Variants in DICER1 observed in about 807,000 individuals in gnomAD.
DICER1 encodes the protein dicer 1, ribonuclease III.
A neutral mutation model predicts 194.1 loss-of-function variants in DICER1; 43 were observed. The observed-to-expected ratio is 0.22, with a 90% CI of 0.17 to 0.29. The LOEUF (loss-of-function observed/expected upper bound fraction) is 0.29. Among genes scored for constraint, DICER1 ranks in the 10% least tolerant of loss-of-function variants. The pLI, the probability that DICER1 is intolerant of heterozygous loss-of-function variation, is 1.00. For missense variants in DICER1, 1,608 were observed against 2,317.0 expected (o/e 0.69, Z 6.28); for synonymous variants, 832 against 820.5 (o/e 1.01, Z -0.24).
chr14:95,132,828 T>C (rs1894072915), intron 2 of DICER1, 151 bp from the exon 3 acceptor site: 1 of 742,946 alleles, frequency 1.3e-6, no homozygotes, highest in Admixed American at 2.4e-5. Context: ...TACGTCTTTA[T>C]ACGAGAATAA....
intron 24 of DICER1, 25 bp downstream of exon 24, chr14:95,093,863 C>T: frequency 6.2e-7 from 1 of 1,613,818 alleles, no homozygotes; most frequent in South Asian, 1.1e-5. Context: ...CCACTTTTTT[C>T]AACATCGTTT....
rs767112987 is a variant in DICER1 at position 95,099,883 on chromosome 14, C to A, written c.4103G>T (p.Arg1368Leu). 6 of 1,614,012 alleles carry A rather than the reference C, an allele frequency of 3.7e-6. No individual in the cohort carries two copies. The highest frequency in any genetic ancestry group is 1.1e-5 in the South Asian group (1 of 91,084). The change falls in exon 22 of 27, where the codon CGC becomes CTC. Residue 1368 changes from arginine to leucine, a missense_variant. Physicochemically the swap from Arg to Leu is moderately radical, Grantham distance 102 (BLOSUM62 -2). Around this residue, in one of 10 missense-constraint regions of DICER1, gnomAD observed 58 missense variants for 125.7 expected, o/e 0.46. Transcript: ENST00000343455. ...RLGKKKGLPS[R>L]MVVSIFDPPV... is the part of the protein sequence containing the mutation. ...GGGATCAAATATTGACACCACCATG[C>A]GGCTGGGTAGTCCCTTCTTTTTTCC...
At position 95,090,278 on chromosome 14, in the gene DICER1, A is replaced by C. The variant is rs1455417366; in HGVS notation, c.*220T>G. Reference sequence around the variant, plus strand: ...AGCAGAAGTGAGGAAAGAAGATAAGATTGTGTTTGCGCAAAAAACTAAAAC... The same window carrying C: ...AGCAGAAGTGAGGAAAGAAGATAAGCTTGTGTTTGCGCAAAAAACTAAAAC... On this transcript the variant is annotated 3_prime_UTR_variant, in exon 27 of 27. Transcript: ENST00000343455. The C allele has an allele frequency of 1.7e-6, 1 of 585,378 alleles. No homozygotes were observed. The highest frequency in any genetic ancestry group is 3.0e-6 in the Non-Finnish European group (1 of 331,756). 36.3% of individuals were successfully genotyped at this position (585,378 alleles called of 1,614,324 possible).
In DICER1 at chr14:95,111,448, C is replaced by T. The variant is rs1891952341; in HGVS notation, c.2125G>A (p.Asp709Asn). 6.2e-7 allele frequency: 1 copy of T among 1,613,962 alleles called. No homozygotes were observed. Among genetic ancestry groups the T allele is most frequent in the Non-Finnish European group, 8.5e-7 (1 of 1,179,978 alleles). ...TTCCCAACTGGCATCAAATGGTCATCCAGTTCGCCTAACAAATTTAAAGAG... is the reference window on the plus strand; with the variant it reads ...TTCCCAACTGGCATCAAATGGTCATTCAGTTCGCCTAACAAATTTAAAGAG... ...CEKLHKIGEL[D>N]DHLMPVGKET... Residue 709 changes from aspartate (D) to asparagine (N), a missense_variant, in exon 14 of 27, where the codon GAT becomes AAT. Physicochemically the swap from Asp to Asn is conservative, Grantham distance 23. Transcript: ENST00000343455.
At chr14:95,131,167 C>G (rs997736779) in intron 4 of DICER1, among the ~76,000 whole-genome samples, 5 of 151,988 alleles carry the variant, frequency 3.3e-5, no homozygotes, top group Admixed American at 2.6e-4. Context: ...GTACCTAGGA[C>G]TACTACGCCA....
At chr14:95,110,758 T>C (rs1891884755) in intron 14 of DICER1, among the ~76,000 whole-genome samples, 1 of 152,192 alleles carries the variant, frequency 6.6e-6, no homozygotes, top group Admixed American at 6.5e-5. Context: ...GATTTAGAGA[T>C]GCTTTCATGT....
rs753746305 is a variant in DICER1 at position 95,115,703 on chromosome 14, C to T, written c.1871G>A (p.Arg624Gln). The change falls in exon 11 of 27, where the codon CGA becomes CAA. Residue 624 changes from arginine to glutamine, a missense_variant. Physicochemically the swap from Arg to Gln is conservative, Grantham distance 43. This residue lies in a region of DICER1 where 657 missense variants were observed against 910.1 expected (regional missense o/e 0.72). Coordinates refer to ENST00000343455, the MANE Select transcript of DICER1 (RefSeq NM_177438.3). ...YVLRPDDGGP[R>Q]VTINTAIGHI... The stretch of plus-strand genomic sequence containing the variant: ...TCCAATGGCCGTGTTGATTGTGACT[C>T]GTGGACCACCATCGTCAGGCCTCAA... 4 of 1,614,090 alleles carry T rather than the reference C, an allele frequency of 2.5e-6. No individual in the cohort carries two copies. The highest frequency in any genetic ancestry group is 1.1e-5 in the South Asian group (1 of 91,084).
intron 1 of DICER1, among the ~76,000 whole-genome samples, chr14:95,144,066 A>G (rs997324074): frequency 1.5e-4 from 23 of 152,212 alleles, no homozygotes; most frequent in Non-Finnish European, 2.6e-4. Context: ...TGTAGAGCAG[A>G]AAAAGTCTCA....
chr14:95,144,829 T>G (rs1385685498), intron 1 of DICER1, among the ~76,000 whole-genome samples: 1 of 152,176 alleles, frequency 6.6e-6, no homozygotes, highest in African/African-American at 2.4e-5. Context: ...GTTCTATGCC[T>G]TCCCTTTTTC....
At chr14:95,112,571 A>T (rs548344664) in intron 12 of DICER1, among the ~76,000 whole-genome samples, 13 of 152,342 alleles carry the variant, frequency 8.5e-5, no homozygotes, top group Admixed American at 7.8e-4. Flanking sequence ...TTATCAAAAC[A>T]TAGCTATAAC....
At position 95,096,079 on chromosome 14, in the gene DICER1, T is replaced by A. The variant is rs769225805; in HGVS notation, c.4841A>T (p.Gln1614Leu). The change falls in exon 23 of 27, where the codon CAA becomes CTA. Residue 1614 changes from glutamine (Q) to leucine (L), a missense_variant. Physicochemically the swap from Gln to Leu is moderately radical, Grantham distance 113. This residue lies in a region of DICER1 where 125 missense variants were observed against 134.9 expected (regional missense o/e 0.93). Coordinates refer to ENST00000343455, the MANE Select transcript of DICER1 (RefSeq NM_177438.3). ...CPTRENFNSQ[Q>L]KNLSVSCAAA... ...AGCACAGCTCACTGAAAGGTTCTTT[T>A]GTTGGCTGTTGAAATTCTCCCGAGT... 1 of 1,614,230 alleles carries A rather than the reference T, an allele frequency of 6.2e-7. No homozygotes were observed. Among genetic ancestry groups the A allele is most frequent in the Non-Finnish European group, 8.5e-7 (1 of 1,180,024 alleles).
rs1047347414 is a variant in DICER1, at chr14:95,124,650, C to A, written c.922G>T (p.Ala308Ser). 6.2e-7 allele frequency: 1 copy of A among 1,613,078 alleles called. No homozygotes were observed. Among genetic ancestry groups the A allele is most frequent in the African/African-American group, 1.3e-5 (1 of 74,870 alleles). ...CAGGGTCCCAGAACTACCAATACGG[C>A]ACGACAGTCTGATAGTATCTACAAA... ...ISKQILSDCR[A>S]VLVVLGPWCA... The change falls in exon 8 of 27, where the codon GCC becomes TCC. Residue 308 changes from alanine (A) to serine (S), a missense_variant. By Grantham distance (99) the Ala-to-Ser change is moderately conservative (BLOSUM62 1). This residue lies in a region of DICER1 where 657 missense variants were observed against 910.1 expected (regional missense o/e 0.72). Transcript: ENST00000343455. The surrounding 1 kb of genome is among the most constrained non-coding windows in gnomAD (Gnocchi z 4.5).
At chr14:95,106,796 T>C (rs1231842517) in intron 17 of DICER1, among the ~76,000 whole-genome samples, 2 of 152,166 alleles carry the variant, frequency 1.3e-5, no homozygotes, top group Non-Finnish European at 2.9e-5. Context: ...AAAATCATTC[T>C]GGATTTACTA....
intron 1 of DICER1, among the ~76,000 whole-genome samples, chr14:95,151,892 C>T (rs897889214): frequency 1.3e-5 from 2 of 152,274 alleles, no homozygotes; most frequent in Admixed American, 6.5e-5. Flanking sequence ...CGACTAAATA[C>T]GACTACTACC....
At chr14:95,099,663 C>A in intron 22 of DICER1, 117 bp downstream of exon 22, 1 of 1,341,714 alleles carries the variant, frequency 7.5e-7, no homozygotes. Flanking sequence ...TATAAACATA[C>A]CAAGAAAATG....
rs1889664411 is a variant in DICER1, at chr14:95,090,183, AAC to A, written c.*313_*314del. 3.2e-5 allele frequency: 14 copies of A among 431,220 alleles called. No individual in the cohort carries two copies. Among genetic ancestry groups the A allele is most frequent in the South Asian group, 2.9e-4 (12 of 41,800 alleles). The allele number at this position is 431,220 out of a possible 1,614,324, so 26.7% of individuals were successfully genotyped here. A position where few individuals can be genotyped will look rare whatever the true frequency, so the allele number is the denominator to read the frequency against. ...GCTGACATAAACTCAAAAAAAAAAA[AAC>A]AAAACCTGTCAATTATTTTGAGCAC... is the stretch of plus-strand genomic sequence containing the variant. On this transcript the variant is annotated 3_prime_UTR_variant, in exon 27 of 27. Transcript: ENST00000343455.
At position 95,124,596 on chromosome 14, in the gene DICER1, C is replaced by G. The variant is rs1555374798; in HGVS notation, c.976G>C (p.Val326Leu). Residue 326 changes from valine (V) to leucine (L), a missense_variant, in exon 8 of 27, where the codon GTA becomes CTA. Val to Leu is a conservative substitution (Grantham distance 32). This residue lies in a region of DICER1 where 657 missense variants were observed against 910.1 expected (regional missense o/e 0.72). Coordinates refer to ENST00000343455, the MANE Select transcript of DICER1 (RefSeq NM_177438.3). The surrounding 1 kb of genome is among the most constrained non-coding windows in gnomAD (Gnocchi z 4.5). Reference protein sequence around the residue: ...WCADKVAGMMVRELQKYIKHE... With the variant: ...WCADKVAGMMLRELQKYIKHE... ...TTGATGTATTTCTGTAGTTCTCTTA[C>G]CATCATTCCAGCTACTTTATCTGCA... is the stretch of plus-strand genomic sequence containing the variant. 4 of 1,613,762 alleles carry G rather than the reference C, an allele frequency of 2.5e-6. No homozygotes were observed. Among genetic ancestry groups the G allele is most frequent in the Non-Finnish European group, 3.4e-6 (4 of 1,180,018 alleles).
At chr14:95,140,369 C>T (rs1392645368) in intron 1 of DICER1, among the ~76,000 whole-genome samples, 2 of 151,936 alleles carry the variant, frequency 1.3e-5, no homozygotes, top group Non-Finnish European at 2.9e-5. Flanking sequence ...ATACAAATAC[C>T]ACTGTGTCAC....
At chr14:95,146,460 A>C (rs1050128860) in intron 1 of DICER1, among the ~76,000 whole-genome samples, 4 of 152,140 alleles carry the variant, frequency 2.6e-5, no homozygotes, top group Non-Finnish European at 5.9e-5. Context: ...ACCCAGCCAC[A>C]CTGGGGGAAA....
Sources: allele counts gnomAD v4.1 joint callset (sites outside exome capture counted in the v4.1 genomes callset), GRCh38; gene constraint gnomAD v4.1.1; regional missense constraint gnomAD v4.1.1; non-coding constraint Gnocchi (gnomAD v3.1); transcripts MANE v1.5; gene names NCBI Gene and HGNC (gene_info 2026-07-23, HGNC 2026-07-21).